ITGB2: variants seen among roughly 807,000 people sequenced by gnomAD.
ITGB2 encodes the protein integrin beta-2.
In ITGB2, 56 loss-of-function variants were observed where a neutral mutation model predicts 86.8. That is an observed-to-expected ratio of 0.65 (90% confidence interval 0.52 to 0.81). The LOEUF (loss-of-function observed/expected upper bound fraction) is 0.81, where lower values mean the gene tolerates loss of function less well. Among genes scored for constraint, ITGB2 ranks in the 30% least tolerant of loss-of-function variants. The pLI is 0.00. For missense variants in ITGB2, 948 were observed against 1,061.2 expected (o/e 0.89, Z 1.48); for synonymous variants, 457 against 450.4 (o/e 1.01, Z -0.19).
chr21:44,900,780 TC>T (rs2083943802), intron 6 of ITGB2, among the ~76,000 whole-genome samples: 2 of 152,012 alleles, frequency 1.3e-5, no homozygotes, highest in African/African-American at 2.4e-5. Context: ...CAGGAAACCA[TC>T]CCCAAGGGGA....
chr21:44,908,134 G>C (rs768100646), intron 3 of ITGB2: 1 of 736,634 alleles, frequency 1.4e-6, no homozygotes, highest in East Asian at 2.6e-5. Context: ...CTTCTCCTCC[G>C]GGGACTGCTC....
intron 15 of ITGB2, 75 bp from the exon 16 acceptor site, chr21:44,886,505 C>G: frequency 6.6e-7 from 1 of 1,515,168 alleles, no homozygotes; most frequent in Non-Finnish European, 9.2e-7. Context: ...TGAGGACACT[C>G]CCCGCATGGA....
chr21:44,900,050 G>T (rs12627407), intron 7 of ITGB2, among the ~76,000 whole-genome samples: 8 of 152,056 alleles, frequency 5.3e-5, no homozygotes, highest in Non-Finnish European at 1.0e-4. Context: ...CCCAGGTAGG[G>T]GGGCAGTGGG....
chr21:44,903,790 G>T (rs1170246546), intron 4 of ITGB2, among the ~76,000 whole-genome samples: 1 of 152,160 alleles, frequency 6.6e-6, no homozygotes, highest in Non-Finnish European at 1.5e-5. Flanking sequence ...ACCCGCCTGG[G>T]GTGCTTAGAG....
intron 3 of ITGB2, 32 bp from the exon 4 acceptor site, chr21:44,907,127 G>A (rs2146539306): frequency 2.0e-6 from 3 of 1,528,402 alleles, no homozygotes; most frequent in African/African-American, 1.4e-5. Flanking sequence ...TCAGGAGGGG[G>A]CCACACTGCG....
At chr21:44,925,757 T>A (rs1346088820), upstream of ITGB2, among the ~76,000 whole-genome samples, 4 of 152,128 alleles carry the variant, frequency 2.6e-5, no homozygotes, top group Admixed American at 1.3e-4. Context: ...ATAATCCCAA[T>A]GCTGAAATGA....
rs763505620 is a variant in ITGB2, at chr21:44,903,487, G to A, written c.377C>T (p.Pro126Leu). Residue 126 changes from proline (P) to leucine (L), a missense_variant, in exon 5 of 16, where the codon CCC becomes CTC. Transcript: ENST00000652462. Reference protein sequence around the residue: ...NVTFRRAKGYPIDLYYLMDLS... With the variant: ...NVTFRRAKGYLIDLYYLMDLS... ...GTCCATCAGATAGTACAGGTCGATG[G>A]GGTAGCCCTTGGCCCGCCGGAAGGT... The A allele has an allele frequency of 6.2e-7, 1 of 1,614,002 alleles. No homozygotes were observed. The highest frequency in any genetic ancestry group is 8.5e-7 in the Non-Finnish European group (1 of 1,179,980).
chr21:44,891,074 A>T (rs2083779652), intron 11 of ITGB2, among the ~76,000 whole-genome samples: 1 of 152,172 alleles, frequency 6.6e-6, no homozygotes, highest in Non-Finnish European at 1.5e-5. Context: ...TGCGGTCAGG[A>T]CAGGGGAGGA....
chr21:44,904,446 C>T (rs530549185), intron 4 of ITGB2, among the ~76,000 whole-genome samples: 196 of 151,952 alleles, frequency 1.3e-3, no homozygotes, highest in African/African-American at 4.5e-3. Flanking sequence ...CACACGCACC[C>T]ACATATACAC....
At chr21:44,918,327 G>A (rs58838439) in intron 1 of ITGB2, among the ~76,000 whole-genome samples, 1,957 of 152,358 alleles carry the variant, frequency 0.013, 46 homozygotes, top group African/African-American at 0.044. Flanking sequence ...CCATGGAATC[G>A]CCACAGGCGT....
chr21:44,920,293 C>T (rs1036865948), intron 1 of ITGB2, among the ~76,000 whole-genome samples: 19 of 152,186 alleles, frequency 1.2e-4, no homozygotes, highest in Non-Finnish European at 2.1e-4. Context: ...ACATGCACAC[C>T]ATGCCACACT....
At chr21:44,909,115 G>A (rs552370072) in intron 3 of ITGB2, among the ~76,000 whole-genome samples, 4 of 152,328 alleles carry the variant, frequency 2.6e-5, no homozygotes, top group South Asian at 2.1e-4. Flanking sequence ...GGACCTCCGC[G>A]GATGCTGAGC....
At chr21:44,907,200 G>A in intron 3 of ITGB2, 105 bp from the exon 4 acceptor site, 1 of 824,534 alleles carries the variant, frequency 1.2e-6, no homozygotes, top group Non-Finnish European at 1.9e-6. Context: ...CTCCTCCTCT[G>A]CGCCTGGAAT....
intron 15 of ITGB2, 46 bp from the exon 16 acceptor site, chr21:44,886,476 A>G (rs2083700275): frequency 2.5e-6 from 4 of 1,592,296 alleles, no homozygotes; most frequent in African/African-American, 2.7e-5. Context: ...GGAGGTTTTC[A>G]GAGCAGAATC....
chr21:44,895,077 C>T lies in ITGB2; in HGVS notation c.994-17G>A. On this transcript the variant is annotated splice_polypyrimidine_tract_variant and intron_variant, in intron 8 of 15. Coordinates refer to ENST00000652462, the MANE Select transcript of ITGB2 (RefSeq NM_000211.5). ...GGTGAGTTTCTGTTGGGCAAGAAGA[C>T]CAGACATGGCACGGCTAGGACCTGT... 6.3e-7 allele frequency: 1 copy of T among 1,590,720 alleles called. No individual in the cohort carries two copies. The highest frequency in any genetic ancestry group is 8.6e-7 in the Non-Finnish European group (1 of 1,159,602).
chr21:44,894,926 G>T, intron 9 of ITGB2, 45 bp downstream of exon 9: 1 of 1,327,686 alleles, frequency 7.5e-7, no homozygotes, highest in Non-Finnish European at 1.1e-6. Flanking sequence ...TGGGGAGATT[G>T]CTGGCCACCC....
chr21:44,910,252 G>A, intron 3 of ITGB2, 32 bp downstream of exon 3: 1 of 1,609,548 alleles, frequency 6.2e-7, no homozygotes, highest in Non-Finnish European at 8.5e-7. Flanking sequence ...CCAGGAGCTG[G>A]GCAGGTGGGG....
In ITGB2 at chr21:44,900,367, C is replaced by G; in HGVS notation, c.850G>C (p.Gly284Arg). The G allele has an allele frequency of 1.2e-6, 2 of 1,614,164 alleles. No individual in the cohort carries two copies. The highest frequency in any genetic ancestry group is 1.7e-6 in the Non-Finnish European group (2 of 1,180,008). Residue 284 changes from glycine (G) to arginine (R), a missense_variant, in exon 7 of 16, where the codon GGC (glycine) becomes CGC (arginine). Physicochemically the swap from Gly to Arg is moderately radical, Grantham distance 125 (BLOSUM62 -2). Transcript: ENST00000652462. Reference protein sequence around the residue: ...KLGAILTPNDGRCHLEDNLYK... With the variant: ...KLGAILTPNDRRCHLEDNLYK... Reference sequence around the variant, plus strand: ...AAGTTGTCCTCCAGGTGACAGCGGCCGTCGTTGGGGGTCAGGATGGCGCCC... The same window carrying G: ...AAGTTGTCCTCCAGGTGACAGCGGCGGTCGTTGGGGGTCAGGATGGCGCCC...
At chr21:44,890,508 A>G (rs2083771425) in intron 11 of ITGB2, among the ~76,000 whole-genome samples, 1 of 152,166 alleles carries the variant, frequency 6.6e-6, no homozygotes, top group Non-Finnish European at 1.5e-5. Context: ...GCAGCCATGC[A>G]CATGGCCTGT....
Sources: allele counts gnomAD v4.1 joint callset (sites outside exome capture counted in the v4.1 genomes callset), GRCh38; gene constraint gnomAD v4.1.1; transcripts MANE v1.5; gene names NCBI Gene and HGNC (gene_info 2026-07-23, HGNC 2026-07-21).